Variants in GOLGA7B observed in about 807,000 individuals in gnomAD.
GOLGA7B encodes golgin A7 family member B.
Under a neutral mutation model 21.5 loss-of-function variants are expected in GOLGA7B, and 17 were observed. The observed-to-expected ratio is 0.79, with a 90% CI of 0.54 to 1.19. The LOEUF (loss-of-function observed/expected upper bound fraction) is 1.19. Among genes scored for constraint, GOLGA7B ranks in the 50% most tolerant of loss-of-function variants. GOLGA7B has a pLI of 0.00. For synonymous variants in GOLGA7B, 87 were observed against 84.0 expected (o/e 1.04, Z -0.19); for missense variants, 169 against 224.4 (o/e 0.75, Z 1.58).
In GOLGA7B at chr10:97,870,007, A is replaced by G. The variant is rs2136526783; in HGVS notation, c.*4307A>G. ...GGCTTCATGACACTGACACATGAAG[A>G]CTCTTGGAGCCTCAGATTCCCCAGT... On this transcript the variant is annotated 3_prime_UTR_variant, in exon 5 of 5. Transcript: ENST00000370602. The G allele has an allele frequency of 6.6e-6, 1 of 152,168 alleles. No homozygotes were observed. The highest frequency in any genetic ancestry group is 1.9e-4 in the East Asian group (1 of 5,172). 9.4% of individuals were successfully genotyped at this position (152,168 alleles called of 1,614,324 possible). A position where few individuals can be genotyped will look rare whatever the true frequency, so the allele number is the denominator to read the frequency against.
chr10:97,850,633 T>G (rs2049899579), intron 1 of GOLGA7B, among the ~76,000 whole-genome samples: 1 of 152,096 alleles, frequency 6.6e-6, no homozygotes, highest in African/African-American at 2.4e-5. Context: ...TCCTAGAGGG[T>G]TGGAGACGCG....
Position 97,868,504 on chromosome 10 carries a change from A to C in GOLGA7B, c.*2804A>C, listed in dbSNP as rs2050053418. On this transcript the variant is annotated 3_prime_UTR_variant, in exon 5 of 5. Coordinates refer to ENST00000370602, the MANE Select transcript of GOLGA7B (RefSeq NM_001010917.3). ...ATCAGACTGTGGGGACAACGGCTCC[A>C]GCCTCTTAGGTGGGGGCTGGGCAGT... 6.6e-6 allele frequency: 1 copy of C among 152,268 alleles called. No individual in the cohort carries two copies. Among genetic ancestry groups the C allele is most frequent in the Non-Finnish European group, 1.5e-5 (1 of 68,086 alleles). The allele number at this position is 152,268 out of a possible 1,614,324, so 9.4% of individuals were successfully genotyped here. A position where few individuals can be genotyped will look rare whatever the true frequency, so the allele number is the denominator to read the frequency against.
chr10:97,856,002 A>G (rs1186071211), intron 1 of GOLGA7B, among the ~76,000 whole-genome samples: 1 of 152,246 alleles, frequency 6.6e-6, no homozygotes, highest in Non-Finnish European at 1.5e-5. Flanking sequence ...ACCTTGATCT[A>G]CCAATTATCT....
chr10:97,851,051 G>A (rs2049902568), intron 1 of GOLGA7B, among the ~76,000 whole-genome samples: 1 of 152,042 alleles, frequency 6.6e-6, no homozygotes, highest in African/African-American at 2.4e-5. Context: ...TACCCCTAGG[G>A]ATTGCCCTTT....
intron 1 of GOLGA7B, among the ~76,000 whole-genome samples, chr10:97,855,014 C>T (rs1226703839): frequency 6.6e-6 from 1 of 152,198 alleles, no homozygotes; most frequent in Non-Finnish European, 1.5e-5. Context: ...GCATTCGTCA[C>T]TTCCTCTCAC....
chr10:97,864,656 C>T (rs1405792587), intron 4 of GOLGA7B, among the ~76,000 whole-genome samples: 1 of 152,202 alleles, frequency 6.6e-6, no homozygotes, highest in South Asian at 2.1e-4. Context: ...CCCTTAACTA[C>T]AAAGACCCCT....
rs1339483914 is a variant in GOLGA7B, at chr10:97,868,795, AATCTGGGTGCTT to A, written c.*3101_*3112del. 6.6e-6 allele frequency: 1 copy of A among 152,090 alleles called. No individual in the cohort carries two copies. The highest frequency in any genetic ancestry group is 1.5e-5 in the Non-Finnish European group (1 of 68,012). 9.4% of individuals were successfully genotyped at this position (152,090 alleles called of 1,614,324 possible). On this transcript the variant is annotated 3_prime_UTR_variant, in exon 5 of 5. Coordinates refer to ENST00000370602, the MANE Select transcript of GOLGA7B (RefSeq NM_001010917.3). ...AGGATTTACTAAACGGGTAAAACCAAATCTGGGTGCTTATCTGACTGAGAGGCATTCAACCCT... is the reference window on the plus strand; with the variant it reads ...AGGATTTACTAAACGGGTAAAACCAAATCTGACTGAGAGGCATTCAACCCT...
At chr10:97,860,008 T>G (rs1428348903) in intron 2 of GOLGA7B, among the ~76,000 whole-genome samples, 2 of 152,184 alleles carry the variant, frequency 1.3e-5, no homozygotes, top group African/African-American at 4.8e-5. Context: ...CCTGGGGAGC[T>G]TAAAAAATCC....
Position 97,864,194 on chromosome 10 carries a change from C to T in GOLGA7B, c.318C>T (p.Ile106=). 6.2e-7 allele frequency: 1 copy of T among 1,614,172 alleles called. No individual in the cohort carries two copies. The highest frequency in any genetic ancestry group is 8.5e-7 in the Non-Finnish European group (1 of 1,180,020). ...EKVLKKISRY[I]QEQNEKIFAP... ...TTCTCAAGAAGATTTCCCGCTACAT[C>T]CAGGAGCAGAATGAGAAGATCTTTG... The change falls in exon 4 of 5, where the codon ATC becomes ATT. Residue 106 remains isoleucine (I), a synonymous_variant. Transcript: ENST00000370602.
rs1444971600 is a variant in GOLGA7B, at chr10:97,865,628, C to T, written c.432C>T (p.Gly144=). ...TCTACGAGGACCGGTGCAGCAGTGG[C>T]AGCTCCAGCAGCGGCAGCAGCAGCG... The part of the protein sequence containing the change: ...ISIYEDRCSS[G]SSSSGSSSGS... Residue 144 remains glycine, a synonymous_variant, in exon 5 of 5, where the codon GGC becomes GGT. Transcript: ENST00000370602. The T allele has an allele frequency of 1.9e-6, 3 of 1,612,992 alleles. No individual in the cohort carries two copies. The highest frequency in any genetic ancestry group is 2.5e-6 in the Non-Finnish European group (3 of 1,179,556).
intron 1 of GOLGA7B, among the ~76,000 whole-genome samples, chr10:97,858,644 T>A (rs1215607702): frequency 6.6e-6 from 1 of 152,256 alleles, no homozygotes; most frequent in Admixed American, 6.5e-5. Flanking sequence ...CAGGGAAGGC[T>A]ATTTCTTCCA....
rs1228179662 is a variant in GOLGA7B at position 97,868,962 on chromosome 10, G to A, written c.*3262G>A. ...TTCTCACAGCAACCCTCTATGGCAT[G>A]GATTCTTATTTCCCATTTTACATAT... is the stretch of plus-strand genomic sequence containing the variant. On this transcript the variant is annotated 3_prime_UTR_variant, in exon 5 of 5. Transcript: ENST00000370602. 2 of 152,198 alleles carry A rather than the reference G, an allele frequency of 1.3e-5. No individual in the cohort carries two copies. The highest frequency in any genetic ancestry group is 2.9e-5 in the Non-Finnish European group (2 of 68,042). 9.4% of individuals were successfully genotyped at this position (152,198 alleles called of 1,614,324 possible).
In GOLGA7B at chr10:97,853,239, C is replaced by G. The variant is rs755080743; in HGVS notation, c.12+2924C>G. 3.3e-4 allele frequency among the ~76,000 whole-genome samples: 51 copies of G among 152,290 alleles called. 1 individual carries two copies. Among genetic ancestry groups the G allele is most frequent in the Middle Eastern group, 3.4e-3 (1 of 294 alleles). On this transcript the variant is annotated intron_variant, in intron 1 of 4. Transcript: ENST00000370602. ...TCTGTGACTCATGATCCTCACTCCT[C>G]CTTCACACCCCAGCCAGGAAGCAGA...
chr10:97,868,711 G>A lies in GOLGA7B; in HGVS notation c.*3011G>A, dbSNP rs2050055735. 6.6e-6 allele frequency: 1 copy of A among 152,196 alleles called. No individual in the cohort carries two copies. The highest frequency in any genetic ancestry group is 1.9e-4 in the East Asian group (1 of 5,190). The allele number at this position is 152,196 out of a possible 1,614,324, so 9.4% of individuals were successfully genotyped here. ...TGGGATAGGAAGTTTGTTCTACCCCGAGGCCAGATTTGAATCCAAACTCAG... is the reference window on the plus strand; with the variant it reads ...TGGGATAGGAAGTTTGTTCTACCCCAAGGCCAGATTTGAATCCAAACTCAG... On this transcript the variant is annotated 3_prime_UTR_variant, in exon 5 of 5. Transcript: ENST00000370602.
chr10:97,861,445 G>A (rs895059129), intron 2 of GOLGA7B, among the ~76,000 whole-genome samples: 1 of 152,240 alleles, frequency 6.6e-6, no homozygotes, highest in African/African-American at 2.4e-5. Flanking sequence ...AAAGGGGAGA[G>A]CCAGATGCAC....
At chr10:97,851,899 C>T (rs894467195) in intron 1 of GOLGA7B, among the ~76,000 whole-genome samples, 3 of 152,262 alleles carry the variant, frequency 2.0e-5, no homozygotes, top group Admixed American at 6.5e-5. Context: ...GGGAGGGGCT[C>T]TGCTCATAAC....
In GOLGA7B at chr10:97,870,956, C is replaced by T. The variant is rs2050087064; in HGVS notation, c.*5256C>T. 1 of 152,168 alleles carries T rather than the reference C, an allele frequency of 6.6e-6. No homozygotes were observed. The highest frequency in any genetic ancestry group is 2.4e-5 in the African/African-American group (1 of 41,430). The allele number at this position is 152,168 out of a possible 1,614,324, so 9.4% of individuals were successfully genotyped here. On this transcript the variant is annotated 3_prime_UTR_variant, in exon 5 of 5. Coordinates refer to ENST00000370602, the MANE Select transcript of GOLGA7B (RefSeq NM_001010917.3). ...GATTCTCAAAGGGGTATGCAACCCC[C>T]TAAAAAGGTTAAGAACAATTGGTTT...
At chr10:97,858,977 A>G (rs1590160736) in intron 1 of GOLGA7B, among the ~76,000 whole-genome samples, 1 of 152,248 alleles carries the variant, frequency 6.6e-6, no homozygotes, top group Non-Finnish European at 1.5e-5. Flanking sequence ...GAATGAAAGT[A>G]TGAAAGGTTC....
At chr10:97,860,724 A>G (rs1452866266) in intron 2 of GOLGA7B, among the ~76,000 whole-genome samples, 1 of 152,192 alleles carries the variant, frequency 6.6e-6, no homozygotes, top group Non-Finnish European at 1.5e-5. Flanking sequence ...TGGTTCATAG[A>G]TTACACTTGG....
Sources: allele counts gnomAD v4.1 joint callset (sites outside exome capture counted in the v4.1 genomes callset), GRCh38; gene constraint gnomAD v4.1.1; transcripts MANE v1.5; gene names NCBI Gene and HGNC (gene_info 2026-07-23, HGNC 2026-07-21).